MYO1A: variants seen among roughly 807,000 people sequenced by gnomAD.
MYO1A encodes unconventional myosin-Ia.
MYO1A carries 127 observed loss-of-function variants against 138.5 expected under a neutral mutation model. That is an observed-to-expected ratio of 0.92 (90% confidence interval 0.79 to 1.06). MYO1A has a LOEUF of 1.06. MYO1A is among the 50% of genes least tolerant of loss of function. MYO1A has a pLI of 0.00. For synonymous variants in MYO1A, 477 were observed against 497.5 expected (o/e 0.96, Z 0.55); for missense variants, 1,211 against 1,288.8 (o/e 0.94, Z 0.92).
chr12:57,041,626 A>T (rs2030864850), intron 12 of MYO1A, 129 bp from the exon 13 acceptor site: 2 of 775,348 alleles, frequency 2.6e-6, no homozygotes, highest in Non-Finnish European at 4.6e-6. Flanking sequence ...ACTGGAAAGG[A>T]ATTGTTGTGA....
At position 57,031,063 on chromosome 12, in the gene MYO1A, G is replaced by A; in HGVS notation, c.2461C>T (p.Gln821Ter). 1 of 1,614,104 alleles carries A rather than the reference G, an allele frequency of 6.2e-7. No homozygotes were observed. Among genetic ancestry groups the A allele is most frequent in the Non-Finnish European group, 8.5e-7 (1 of 1,179,998 alleles). The change falls in exon 23 of 28, where the codon CAG becomes TAG. Residue 821 changes from glutamine (Q) to a stop codon, truncating the protein, a stop_gained. Transcript: ENST00000300119. LOFTEE classifies it high-confidence loss of function. ...KCLSTANQEL[Q>*]QLFYQWKCKR... ...GCCTTCCACTGGTAGAAGAGCTGCT[G>A]CAGCTCCTGATTTGCTGTGCTGAGG... is the stretch of plus-strand genomic sequence containing the variant.
At chr12:57,041,606 G>A in intron 12 of MYO1A, 109 bp from the exon 13 acceptor site, 1 of 878,418 alleles carries the variant, frequency 1.1e-6, no homozygotes, top group Non-Finnish European at 1.9e-6. Context: ...ACTAGCAAGA[G>A]CTTTGCCAAA....
intron 12 of MYO1A, 65 bp downstream of exon 12, chr12:57,043,007 G>A (rs1450920985): frequency 6.6e-7 from 1 of 1,512,810 alleles, no homozygotes; most frequent in East Asian, 2.3e-5. Context: ...AAGATATAGG[G>A]CTGGTGACAG....
chr12:57,030,383 GAAATA>G (rs1388642529), intron 23 of MYO1A, 67 bp from the exon 24 acceptor site: 2 of 1,306,336 alleles, frequency 1.5e-6, no homozygotes, highest in Non-Finnish European at 2.2e-6. Context: ...AGGGAGGTGA[GAAATA>G]TTGACTAGAA....
In MYO1A at chr12:57,046,977, C is replaced by A. The variant is rs780828433; in HGVS notation, c.478-51G>T. On this transcript the variant is annotated intron_variant, in intron 6 of 27. Transcript: ENST00000300119. ...ACTTAGCTTCTTCCTCTTCTCACCA[C>A]CCTGCCTGGAAGGGGTCTGTGCCAC... The A allele has an allele frequency of 3.7e-6, 6 of 1,611,240 alleles. No homozygotes were observed. The South Asian group carries it at 6.6e-5, about 18-fold the overall frequency.
intron 23 of MYO1A, 144 bp downstream of exon 23, chr12:57,030,896 G>A (rs565075063): frequency 4.2e-5 from 44 of 1,052,328 alleles, no homozygotes; most frequent in African/African-American, 3.0e-4. Flanking sequence ...CTTAAACACC[G>A]TTAAAATGGT....
intron 12 of MYO1A, 36 bp from the exon 13 acceptor site, chr12:57,041,533 C>T (rs374315616): frequency 1.9e-6 from 3 of 1,559,694 alleles, no homozygotes; most frequent in Non-Finnish European, 8.8e-7. Context: ...GAGGACAGGC[C>T]CCCTCTGCAC....
At chr12:57,036,683 G>C in intron 21 of MYO1A, 89 bp downstream of exon 21, 1 of 1,497,146 alleles carries the variant, frequency 6.7e-7, no homozygotes, top group South Asian at 1.1e-5. Context: ...CCTGGGTGCA[G>C]GCAGGACTAG....
At position 57,037,957 on chromosome 12, in the gene MYO1A, A is replaced by C. The variant is rs1450427577; in HGVS notation, c.1873T>G (p.Tyr625Asp). ...LENVRVRRAG[Y>D]AHRQGYGPFL... Reference sequence around the variant, plus strand: ...GGCCCATAACCCTGGCGGTGGGCATAGCCTGCCCGTCGCACCCGTACGTTC... The same window carrying C: ...GGCCCATAACCCTGGCGGTGGGCATCGCCTGCCCGTCGCACCCGTACGTTC... The change falls in exon 18 of 28, where the codon TAT becomes GAT. Residue 625 changes from tyrosine (Y) to aspartate (D), a missense_variant. Tyr to Asp is a radical substitution (Grantham distance 160). Coordinates refer to ENST00000300119, the MANE Select transcript of MYO1A (RefSeq NM_005379.4). 1 of 1,614,170 alleles carries C rather than the reference A, an allele frequency of 6.2e-7. No individual in the cohort carries two copies. Among genetic ancestry groups the C allele is most frequent in the Non-Finnish European group, 8.5e-7 (1 of 1,180,024 alleles).
intron 8 of MYO1A, among the ~76,000 whole-genome samples, chr12:57,046,309 G>T (rs2031086985): frequency 6.6e-6 from 1 of 152,176 alleles, no homozygotes; most frequent in African/African-American, 2.4e-5. Flanking sequence ...CAGTGAAGAG[G>T]CAAGAAGGCA....
chr12:57,041,262 G>C lies in MYO1A; in HGVS notation c.1191C>G (p.Ile397Met). 6.2e-7 allele frequency: 1 copy of C among 1,614,048 alleles called. No individual in the cohort carries two copies. The highest frequency in any genetic ancestry group is 1.7e-4 in the Middle Eastern group (1 of 6,030). Residue 397 changes from isoleucine (I) to methionine (M), a missense_variant, in exon 14 of 28, where the codon ATC (isoleucine) becomes ATG (methionine). Coordinates refer to ENST00000300119, the MANE Select transcript of MYO1A (RefSeq NM_005379.4). ...LEDNSFEQFV[I>M]NYCNEKLQQV... ...GCTGCAGCTTCTCATTGCAGTAGTTGATCACAAATTGCTCAAAGCTATTAT... is the reference window on the plus strand; with the variant it reads ...GCTGCAGCTTCTCATTGCAGTAGTTCATCACAAATTGCTCAAAGCTATTAT...
At chr12:57,042,577 G>A (rs1437493375) in intron 12 of MYO1A, among the ~76,000 whole-genome samples, 3 of 152,104 alleles carry the variant, frequency 2.0e-5, no homozygotes, top group Non-Finnish European at 4.4e-5. Context: ...CTGTGAAGCA[G>A]GTAGGAATGC....
intron 9 of MYO1A, 39 bp from the exon 10 acceptor site, chr12:57,044,042 T>A: frequency 6.2e-7 from 1 of 1,614,130 alleles, no homozygotes; most frequent in South Asian, 1.1e-5. Flanking sequence ...GAACTGTTGG[T>A]GCCAGTCCAA....
chr12:57,033,595 G>A (rs140637277), intron 22 of MYO1A, among the ~76,000 whole-genome samples: 38 of 152,250 alleles, frequency 2.5e-4, no homozygotes, highest in African/African-American at 8.9e-4. Flanking sequence ...CTGGGCTCAA[G>A]CAATATTCCC....
At chr12:57,029,700 TGCACTAGCTGC>T (rs1257480156) in intron 25 of MYO1A, 29 bp downstream of exon 25, 2 of 1,614,100 alleles carry the variant, frequency 1.2e-6, no homozygotes, top group Non-Finnish European at 1.7e-6. Flanking sequence ...CCCACAGCTC[TGCACTAGCTGC>T]GGGAGGAGTT....
chr12:57,048,254 G>C lies in MYO1A; in HGVS notation c.70C>G (p.Leu24Val). The C allele has an allele frequency of 6.2e-7, 1 of 1,614,184 alleles. No individual in the cohort carries two copies. The highest frequency in any genetic ancestry group is 8.5e-7 in the Non-Finnish European group (1 of 1,180,032). Residue 24 changes from leucine (L) to valine (V), a missense_variant, in exon 2 of 28, where the codon CTG (leucine) becomes GTG (valine). Leu to Val is a conservative substitution (Grantham distance 32). Transcript: ENST00000300119. ...TAGCGAAGCTGAAGATTCTTGAGCA[G>C]TGACTCCTCCACCAAGGGTTCCAGG... ...VLLEPLVEES[L>V]LKNLQLRYEN...
Position 57,043,842 on chromosome 12 carries a change from G to C in MYO1A, c.892+14C>G, listed in dbSNP as rs1436408758. On this transcript the variant is annotated intron_variant, in intron 10 of 27. Coordinates refer to ENST00000300119, the MANE Select transcript of MYO1A (RefSeq NM_005379.4). Reference sequence around the variant, plus strand: ...AGGGTCTGGGTAGGAGCTCCAGCAGGCTGGGATGCAGACCTCTCCCATCAC... The same window carrying C: ...AGGGTCTGGGTAGGAGCTCCAGCAGCCTGGGATGCAGACCTCTCCCATCAC... 6.2e-7 allele frequency: 1 copy of C among 1,614,034 alleles called. No individual in the cohort carries two copies.
In MYO1A at chr12:57,029,968, A is replaced by G. The variant is rs2030195028; in HGVS notation, c.2592-96T>C. ...CCTAGTCCTCCCGGGCCCTTCCCCC[A>G]CATCCACGTATCCTCTGTCAGTGTC... On this transcript the variant is annotated intron_variant, in intron 24 of 27. Transcript: ENST00000300119. 7.7e-6 allele frequency: 12 copies of G among 1,563,094 alleles called. No homozygotes were observed. In the Admixed American group the frequency reaches 1.2e-4, roughly 15 times the overall value.
chr12:57,028,841 C>T lies in MYO1A; in HGVS notation c.3046G>A (p.Val1016Ile), dbSNP rs1489235863. The change falls in exon 28 of 28, where the codon GTC becomes ATC. Residue 1016 changes from valine (V) to isoleucine (I), a missense_variant. Physicochemically the swap from Val to Ile is conservative, Grantham distance 29. Coordinates refer to ENST00000300119, the MANE Select transcript of MYO1A (RefSeq NM_005379.4). ...TCACCACCTGCAGGGCCCTGGACGA[C>T]CTTGACAGCCACACTGTTCTCCTTG... ...RFKENSVAVK[V>I]VQGPAGGDNS... The T allele has an allele frequency of 1.9e-6, 3 of 1,613,932 alleles. No homozygotes were observed. The highest frequency in any genetic ancestry group is 1.7e-5 in the Admixed American group (1 of 59,994).
Sources: gnomAD v4.1 joint callset for allele counts (sites outside exome capture counted in the v4.1 genomes callset) on GRCh38, gnomAD v4.1.1 for gene constraint, MANE v1.5 for transcripts, NCBI Gene and HGNC (gene_info 2026-07-23, HGNC 2026-07-21) for gene names.